Variants in AP1S3 observed in about 807,000 individuals in gnomAD.
The protein encoded by AP1S3 is adaptor related protein complex 1 subunit sigma 3, also known as AP-1 complex subunit sigma-3.
A neutral mutation model predicts 20.9 loss-of-function variants in AP1S3; 10 were observed. The ratio of observed to expected loss-of-function variants is 0.48; its 90% confidence interval spans 0.29 to 0.81. AP1S3 has a LOEUF of 0.81. Ranked by LOEUF, AP1S3 falls within the 30% of genes least tolerant of loss-of-function variation. AP1S3 has a pLI of 0.08. For missense variants in AP1S3, 154 were observed against 183.8 expected (o/e 0.84, Z 0.94); for synonymous variants, 41 against 61.5 (o/e 0.67, Z 1.56).
chr2:223,773,457 T>A (rs1690680387), intron 3 of AP1S3: 1 of 1,155,972 alleles, frequency 8.7e-7, no homozygotes, highest in African/African-American at 1.6e-5. Flanking sequence ...TTTGCAAATT[T>A]CTCCTTAAAA....
chr2:223,783,758 C>T (rs1207328134), intron 1 of AP1S3, among the ~76,000 whole-genome samples: 2 of 152,306 alleles, frequency 1.3e-5, no homozygotes, highest in African/African-American at 4.8e-5. Flanking sequence ...CTTACCTGTC[C>T]CCAGTATTGT....
At position 223,811,001 on chromosome 2, in the gene AP1S3, AT is replaced by A. The variant is rs540805843; in HGVS notation, c.3+26446del. On this transcript the variant is annotated intron_variant, in intron 1 of 4. Coordinates refer to ENST00000396654, the MANE Select transcript of AP1S3 (RefSeq NM_001039569.2). ...AAATATACATAACATGAAATTTCCC[AT>A]TTTTTTTATTTCAATAGCTTTTGAA... 3.3e-5 allele frequency among the ~76,000 whole-genome samples: 5 copies of A among 151,576 alleles called. No homozygotes were observed. The South Asian group carries it at 8.3e-4, about 25-fold the overall frequency.
chr2:223,814,564 T>A, intron 1 of AP1S3, among the ~76,000 whole-genome samples: 1 of 152,146 alleles, frequency 6.6e-6, no homozygotes, highest in East Asian at 1.9e-4. Flanking sequence ...TGGGGCTAGT[T>A]TTCCAAAGAC....
At chr2:223,789,049 C>T (rs112197117) in intron 1 of AP1S3, among the ~76,000 whole-genome samples, 3,054 of 152,148 alleles carry the variant, frequency 0.02, 41 homozygotes, top group Non-Finnish European at 0.031. Flanking sequence ...ATTTTAAGCA[C>T]CCTGCTTCTA....
chr2:223,783,879 G>A (rs1691014882), intron 1 of AP1S3, among the ~76,000 whole-genome samples: 1 of 152,198 alleles, frequency 6.6e-6, no homozygotes, highest in Non-Finnish European at 1.5e-5. Flanking sequence ...GTTACAGTAT[G>A]TTTAGGGGCT....
chr2:223,792,459 A>G (rs932435024), intron 1 of AP1S3, among the ~76,000 whole-genome samples: 9 of 152,244 alleles, frequency 5.9e-5, no homozygotes, highest in African/African-American at 2.2e-4. Flanking sequence ...AAATAAATAA[A>G]AATAATCATT....
intron 1 of AP1S3, among the ~76,000 whole-genome samples, chr2:223,827,176 G>C (rs564405568): frequency 2.3e-4 from 35 of 152,170 alleles, no homozygotes; most frequent in Non-Finnish European, 3.5e-4. Context: ...ATTATCGTGA[G>C]ACGGAATGGA....
chr2:223,796,460 C>T (rs1308154604), intron 1 of AP1S3, among the ~76,000 whole-genome samples: 3 of 152,138 alleles, frequency 2.0e-5, no homozygotes, highest in Non-Finnish European at 2.9e-5. Context: ...TCTCATCAGT[C>T]ACCTTTCCAT....
chr2:223,781,169 T>A (rs1358982808), intron 1 of AP1S3, among the ~76,000 whole-genome samples: 1 of 152,162 alleles, frequency 6.6e-6, no homozygotes, highest in Non-Finnish European at 1.5e-5. Context: ...TATATTACCA[T>A]GTTTTCTTTA....
At chr2:223,832,639 A>C (rs1692299840) in intron 1 of AP1S3, among the ~76,000 whole-genome samples, 2 of 152,176 alleles carry the variant, frequency 1.3e-5, no homozygotes, top group South Asian at 4.1e-4. Context: ...TTAAATTGCC[A>C]AAATCATTAC....
intron 1 of AP1S3, among the ~76,000 whole-genome samples, chr2:223,789,753 G>A (rs765548643): frequency 4.7e-5 from 7 of 149,602 alleles, no homozygotes; most frequent in African/African-American, 7.4e-5. Context: ...TAGGAGGATC[G>A]CTTAAGCCCG....
chr2:223,824,725 T>C (rs982653013), intron 1 of AP1S3, among the ~76,000 whole-genome samples: 1 of 151,884 alleles, frequency 6.6e-6, no homozygotes, highest in Admixed American at 6.6e-5. Context: ...TCAGGAGAGA[T>C]AGGGTTTCAC....
intron 1 of AP1S3, among the ~76,000 whole-genome samples, chr2:223,788,664 T>G (rs1269910724): frequency 2.0e-5 from 3 of 149,730 alleles, no homozygotes; most frequent in Non-Finnish European, 3.0e-5. Context: ...CTTGGGAGGC[T>G]GAGGCAGGAG....
In AP1S3 at chr2:223,775,971, T is replaced by C; in HGVS notation, c.221A>G (p.Gln74Arg). The change falls in exon 3 of 5, where the codon CAG becomes CGG. Residue 74 changes from glutamine (Q) to arginine (R), a missense_variant. Coordinates refer to ENST00000396654, the MANE Select transcript of AP1S3 (RefSeq NM_001039569.2). ...SLYFCCAIEN[Q>R]DNELLTLEIV... ...CTCTAGCGTCAAGAGCTCATTGTCC[T>C]GATTTTCTATTGCACAGCAAAAATA... 6.2e-7 allele frequency: 1 copy of C among 1,614,170 alleles called. No homozygotes were observed. Among genetic ancestry groups the C allele is most frequent in the Non-Finnish European group, 8.5e-7 (1 of 1,179,996 alleles).
intron 1 of AP1S3, among the ~76,000 whole-genome samples, chr2:223,787,082 CAGTG>C (rs747847530): frequency 1.3e-5 from 2 of 152,112 alleles, no homozygotes; most frequent in Non-Finnish European, 2.9e-5. Context: ...TCATGAGAGT[CAGTG>C]AGTGAGTTAT....
At position 223,765,052 on chromosome 2, in the gene AP1S3, G is replaced by A. The variant is rs566700145; in HGVS notation, c.429+161C>T. The A allele has an allele frequency of 1.1e-4, 113 of 1,024,320 alleles. No individual in the cohort carries two copies. In the African/African-American group the frequency reaches 1.4e-3, roughly 13 times the overall value. 63.5% of individuals were successfully genotyped at this position (1,024,320 alleles called of 1,614,324 possible). On this transcript the variant is annotated intron_variant, in intron 4 of 4. Coordinates refer to ENST00000396654, the MANE Select transcript of AP1S3 (RefSeq NM_001039569.2). ...GAGTAACAATACCACCTACTTTTTC[G>A]AGTTGTTGTGAGGATTAAATAAGCT... is the stretch of plus-strand genomic sequence containing the variant.
chr2:223,778,214 C>A (rs1369833582), intron 1 of AP1S3, among the ~76,000 whole-genome samples: 1 of 151,504 alleles, frequency 6.6e-6, no homozygotes, highest in Non-Finnish European at 1.5e-5. Context: ...GGACCTCCAC[C>A]TCCTGGGTTC....
intron 3 of AP1S3, among the ~76,000 whole-genome samples, chr2:223,767,231 C>T (rs1204718905): frequency 6.6e-6 from 1 of 152,076 alleles, no homozygotes; most frequent in Non-Finnish European, 1.5e-5. Flanking sequence ...TCCAGACCTC[C>T]CCAACGTTTA....
At chr2:223,796,208 G>A (rs1022598499) in intron 1 of AP1S3, among the ~76,000 whole-genome samples, 57 of 151,854 alleles carry the variant, frequency 3.8e-4, no homozygotes, top group African/African-American at 1.4e-3. Flanking sequence ...ATTATCCAGG[G>A]GCCAGCCCCT....
Sources: allele counts gnomAD v4.1 joint callset (sites outside exome capture counted in the v4.1 genomes callset), GRCh38; gene constraint gnomAD v4.1.1; transcripts MANE v1.5; gene names NCBI Gene and HGNC (gene_info 2026-07-23, HGNC 2026-07-21).